FSIP1: variants seen among roughly 807,000 people sequenced by gnomAD.
The protein encoded by FSIP1 is fibrous sheath interacting protein 1, also known as fibrous sheath-interacting protein 1.
In FSIP1, 65 loss-of-function variants were observed where a neutral mutation model predicts 60.9. That is an observed-to-expected ratio of 1.07 (90% CI 0.87 to 1.31). The LOEUF (loss-of-function observed/expected upper bound fraction) is 1.31, where lower values mean the gene tolerates loss of function less well. Ranked by LOEUF, FSIP1 falls within the 40% of genes most tolerant of loss-of-function variation. The probability of loss-of-function intolerance (pLI) is 0.00; values close to 1 mark genes in which losing one functional copy is unlikely to be tolerated. For missense variants in FSIP1, 675 were observed against 665.5 expected (o/e 1.01, Z -0.16); for synonymous variants, 209 against 221.2 (o/e 0.94, Z 0.49).
At chr15:39,726,772 G>T (rs1896215003) in intron 8 of FSIP1, 25 bp from the exon 9 acceptor site, 1 of 1,607,530 alleles carries the variant, frequency 6.2e-7, no homozygotes, top group Middle Eastern at 1.7e-4. Flanking sequence ...GGGTCACCAG[G>T]TCATTCTCAG....
intron 9 of FSIP1, among the ~76,000 whole-genome samples, chr15:39,714,970 C>A (rs1895679353): frequency 1.8e-5 from 1 of 54,380 alleles, no homozygotes; most frequent in Non-Finnish European, 4.0e-5. Flanking sequence ...GAGACTCTGT[C>A]TCAAAAAAAA....
chr15:39,719,013 G>C (rs1895854148), intron 9 of FSIP1, among the ~76,000 whole-genome samples: 1 of 152,150 alleles, frequency 6.6e-6, no homozygotes, highest in African/African-American at 2.4e-5. Context: ...TCTACAGTTA[G>C]ACCCAAAGGA....
At chr15:39,650,585 G>C (rs1280539686) in intron 10 of FSIP1, among the ~76,000 whole-genome samples, 2 of 152,162 alleles carry the variant, frequency 1.3e-5, no homozygotes, top group African/African-American at 2.4e-5. Context: ...TGATGGCTGA[G>C]ACAGGTTGAA....
chr15:39,733,442 T>C (rs1210867423), intron 8 of FSIP1, among the ~76,000 whole-genome samples: 1 of 152,088 alleles, frequency 6.6e-6, no homozygotes, highest in Admixed American at 6.5e-5. Context: ...ATGTACAAAA[T>C]GACAAAAACG....
intron 10 of FSIP1, among the ~76,000 whole-genome samples, chr15:39,652,810 T>C (rs868738053): frequency 2.0e-5 from 3 of 152,150 alleles, no homozygotes; most frequent in African/African-American, 4.8e-5. Flanking sequence ...TTGATTACTG[T>C]AGGAAATTAC....
chr15:39,618,691 T>TTTGGGGCATTCCAGAGGCGGTGC (rs1891333688), intron 10 of FSIP1, among the ~76,000 whole-genome samples: 3 of 152,024 alleles, frequency 2.0e-5, no homozygotes, highest in African/African-American at 7.3e-5. Context: ...AGAGGCGGTG[T>TTTGGGGCATTCCAGAGGCGGTGC]ATTTGGGGAG....
chr15:39,765,618 T>C lies in FSIP1; in HGVS notation c.439A>G (p.Arg147Gly). 6.3e-7 allele frequency: 1 copy of C among 1,591,686 alleles called. No homozygotes were observed. Among genetic ancestry groups the C allele is most frequent in the East Asian group, 2.2e-5 (1 of 44,530 alleles). ...KEIKKQGLEM[R>G]IKLWEEIKSA... ...TTAATTTCTTCCCACAGCTTTATTCTCATTTCTAGACCTTGCTTCTTAATT... is the reference window on the plus strand; with the variant it reads ...TTAATTTCTTCCCACAGCTTTATTCCCATTTCTAGACCTTGCTTCTTAATT... Residue 147 changes from arginine to glycine, a missense_variant, in exon 4 of 12, where the codon AGA (arginine) becomes GGA (glycine). Coordinates refer to ENST00000350221, the MANE Select transcript of FSIP1 (RefSeq NM_152597.5).
intron 10 of FSIP1, among the ~76,000 whole-genome samples, chr15:39,627,771 C>G (rs1005506236): frequency 6.6e-6 from 1 of 152,240 alleles, no homozygotes; most frequent in African/African-American, 2.4e-5. Flanking sequence ...TACTCTCTTT[C>G]TTTGCTTCAC....
chr15:39,703,388 A>G (rs201333189), intron 10 of FSIP1, among the ~76,000 whole-genome samples: 1 of 136,032 alleles, frequency 7.4e-6, no homozygotes. Flanking sequence ...ATCATAACAC[A>G]TGTGAAAAAC....
chr15:39,706,028 G>C (rs116159497), intron 10 of FSIP1, among the ~76,000 whole-genome samples: 2,306 of 150,514 alleles, frequency 0.015, 51 homozygotes, highest in African/African-American at 0.053. Context: ...TCTTCTAAAA[G>C]TCTTCTATTG....
intron 10 of FSIP1, among the ~76,000 whole-genome samples, chr15:39,626,813 G>C (rs1891659146): frequency 6.7e-6 from 1 of 148,384 alleles, no homozygotes; most frequent in South Asian, 2.1e-4. Flanking sequence ...TTTTACAGCA[G>C]TGTGAAAATG....
rs10655046 is a variant in FSIP1, at chr15:39,744,752, C to CTTG, written c.560-2853_560-2852insCAA. Among the ~76,000 whole-genome samples the CTTG allele has an allele frequency of 9.0e-3, 1,254 of 139,960 alleles. 21 individuals are homozygous for CTTG. Among genetic ancestry groups the CTTG allele is most frequent in the African/African-American group, 0.032 (1,168 of 36,426 alleles). The allele number at this position is 139,960 out of a possible 152,430, so 91.8% of individuals were successfully genotyped here. A position where few individuals can be genotyped will look rare whatever the true frequency, so the allele number is the denominator to read the frequency against. On this transcript the variant is annotated intron_variant, in intron 5 of 11. Transcript: ENST00000350221. ...AGTCTGTCTGTCTGTCTGTCTGTCT[C>CTTG]TCTCTCTCTCTCTCTCCCCCTCAGT... is the stretch of plus-strand genomic sequence containing the variant.
chr15:39,771,004 A>T (rs1375678750), intron 2 of FSIP1, among the ~76,000 whole-genome samples: 2 of 152,368 alleles, frequency 1.3e-5, no homozygotes, highest in East Asian at 3.9e-4. Context: ...GGATAGTCTG[A>T]GTTGAGATGT....
intron 9 of FSIP1, among the ~76,000 whole-genome samples, chr15:39,722,161 A>C (rs1164024160): frequency 6.6e-6 from 1 of 151,930 alleles, no homozygotes; most frequent in Non-Finnish European, 1.5e-5. Flanking sequence ...TGTGAACCCT[A>C]TCATGAACTG....
At chr15:39,740,767 A>T (rs976030416) in intron 6 of FSIP1, among the ~76,000 whole-genome samples, 3 of 152,254 alleles carry the variant, frequency 2.0e-5, no homozygotes, top group Admixed American at 6.5e-5. Flanking sequence ...ACCATTTAAA[A>T]TTTTTTTGAT....
rs1430052831 is a variant in FSIP1, at chr15:39,733,579, G to A, written c.891+4512C>T. 4.6e-5 allele frequency among the ~76,000 whole-genome samples: 7 copies of A among 152,126 alleles called. No homozygotes were observed. The East Asian group carries it at 1.4e-3, about 29-fold the overall frequency. The stretch of plus-strand genomic sequence containing the variant: ...TTTCTACCTCTACTACAAAAAAAGA[G>A]TAAGTCATATACCTGAATCCCCCTT... On this transcript the variant is annotated intron_variant, in intron 8 of 11. Coordinates refer to ENST00000350221, the MANE Select transcript of FSIP1 (RefSeq NM_152597.5).
At chr15:39,652,582 T>TA (rs1472290976) in intron 10 of FSIP1, among the ~76,000 whole-genome samples, 3 of 152,234 alleles carry the variant, frequency 2.0e-5, no homozygotes, top group Non-Finnish European at 4.4e-5. Flanking sequence ...GGATCCTACT[T>TA]ATCTAAGCAG....
At chr15:39,711,466 A>G (rs1157645206) in intron 10 of FSIP1, among the ~76,000 whole-genome samples, 1 of 152,164 alleles carries the variant, frequency 6.6e-6, no homozygotes, top group Non-Finnish European at 1.5e-5. Flanking sequence ...TCCAAACCAC[A>G]GCAGTCAGAA....
chr15:39,692,372 T>C (rs1490186649), intron 10 of FSIP1, among the ~76,000 whole-genome samples: 1 of 152,214 alleles, frequency 6.6e-6, no homozygotes, highest in Non-Finnish European at 1.5e-5. Context: ...GCTTGTCAGT[T>C]CACATCCCAA....
Sources: allele counts gnomAD v4.1 joint callset (sites outside exome capture counted in the v4.1 genomes callset), GRCh38; gene constraint gnomAD v4.1.1; transcripts MANE v1.5; gene names NCBI Gene and HGNC (gene_info 2026-07-23, HGNC 2026-07-21).